The following KLF8 variants were observed in gnomAD, a reference collection of about 807,000 sequenced individuals.
KLF8 encodes Krueppel-like factor 8.
Under a neutral mutation model 18.2 loss-of-function variants are expected in KLF8, and 10 were observed. That is an observed-to-expected ratio of 0.55 (90% CI 0.34 to 0.93). The LOEUF is 0.93. Among genes scored for constraint, KLF8 ranks in the 40% least tolerant of loss-of-function variants. The pLI, the probability that KLF8 is intolerant of heterozygous loss-of-function variation, is 0.02. For synonymous variants in KLF8, 109 were observed against 97.3 expected (o/e 1.12, Z -0.71); for missense variants, 264 against 277.9 (o/e 0.95, Z 0.36).
chrX:56,089,224 C>A, the KLF8 span, among the ~76,000 whole-genome samples: 4 of 111,362 alleles, frequency 3.6e-5, no homozygotes, highest in East Asian at 1.1e-3. Flanking sequence ...GCCAAGATCT[C>A]ATCCAGAATT....
the KLF8 span, among the ~76,000 whole-genome samples, chrX:56,179,547 G>A: frequency 1.8e-5 from 2 of 112,139 alleles, no homozygotes; most frequent in African/African-American, 6.5e-5. Flanking sequence ...AGTGGTGAAA[G>A]AGGGCATCCC....
the KLF8 span, among the ~76,000 whole-genome samples, chrX:56,136,588 T>C: frequency 9.0e-6 from 1 of 111,482 alleles, no homozygotes; most frequent in African/African-American, 3.3e-5. Flanking sequence ...CCTTACACCT[T>C]ATACAAAAAT....
chrX:56,258,545 G>C (rs2066835764), intron 2 of KLF8, among the ~76,000 whole-genome samples: 1 of 112,208 alleles, frequency 8.9e-6, no homozygotes, highest in Admixed American at 9.4e-5. Context: ...AAAGTGCTGG[G>C]ATTACAGGCG....
At chrX:56,052,415 C>T in the KLF8 span, among the ~76,000 whole-genome samples, 1 of 111,594 alleles carries the variant, frequency 9.0e-6, no homozygotes, top group African/African-American at 3.3e-5. Context: ...TACTTTTGGT[C>T]TTTGATGATG....
At chrX:56,180,803 T>G in the KLF8 span, among the ~76,000 whole-genome samples, 1 of 112,442 alleles carries the variant, frequency 8.9e-6, no homozygotes, top group African/African-American at 3.2e-5. Flanking sequence ...GAGTTCTAAT[T>G]TGATTGCACT....
chrX:56,260,171 T>C (rs1436698141), intron 2 of KLF8, among the ~76,000 whole-genome samples: 1 of 111,360 alleles, frequency 9.0e-6, no homozygotes, highest in Non-Finnish European at 1.9e-5. Context: ...ACACTAGTCA[T>C]TGAATTTAGG....
chrX:56,023,788 C>T, the KLF8 span, among the ~76,000 whole-genome samples: 1 of 111,225 alleles, frequency 9.0e-6, no homozygotes, highest in African/African-American at 3.3e-5. Context: ...CTTTACTCCC[C>T]CTTTTCAAAA....
the KLF8 span, among the ~76,000 whole-genome samples, chrX:55,998,291 T>C: frequency 9.0e-6 from 1 of 110,869 alleles, no homozygotes; most frequent in Non-Finnish European, 1.9e-5. Flanking sequence ...CTTCCTCTTA[T>C]ACTAATCCTC....
chrX:56,190,502 T>A, the KLF8 span, among the ~76,000 whole-genome samples: 1 of 111,452 alleles, frequency 9.0e-6, no homozygotes, highest in African/African-American at 3.2e-5. Flanking sequence ...TTACAGAACA[T>A]TTCATCCAAT....
the KLF8 span, among the ~76,000 whole-genome samples, chrX:56,185,375 G>A: frequency 3.6e-5 from 4 of 112,196 alleles, no homozygotes; most frequent in Non-Finnish European, 7.5e-5. Context: ...GGGACAATGT[G>A]AAAAGACCAA....
chrX:56,188,268 C>T, the KLF8 span, among the ~76,000 whole-genome samples: 2 of 111,220 alleles, frequency 1.8e-5, no homozygotes, highest in African/African-American at 6.5e-5. Context: ...CTCCCATTCA[C>T]AATTGCTTCA....
chrX:56,263,459 T>A (rs1014487348), intron 2 of KLF8, among the ~76,000 whole-genome samples: 1 of 111,486 alleles, frequency 9.0e-6, no homozygotes, highest in Non-Finnish European at 1.9e-5. Context: ...TTTGGTGCCG[T>A]TACTCATTCC....
At chrX:56,169,427 C>T in the KLF8 span, among the ~76,000 whole-genome samples, 1 of 111,237 alleles carries the variant, frequency 9.0e-6, no homozygotes, top group African/African-American at 3.3e-5. Context: ...TCCAGAAATG[C>T]TCTTGCATGG....
chrX:55,986,624 T>A, the KLF8 span, among the ~76,000 whole-genome samples: 6 of 112,346 alleles, frequency 5.3e-5, no homozygotes, highest in Non-Finnish European at 1.1e-4. Flanking sequence ...ATTGACCATC[T>A]TGACCTCATG....
At chrX:56,260,116 C>T (rs1173037156) in intron 2 of KLF8, among the ~76,000 whole-genome samples, 1 of 111,355 alleles carries the variant, frequency 9.0e-6, no homozygotes, top group Non-Finnish European at 1.9e-5. Context: ...ATTACCTTCT[C>T]CTCTGTGGCT....
chrX:56,284,782 C>CATTT lies in KLF8; in HGVS notation c.*289_*292dup. ...CATCCCCCCCTGCTCTGAAATAGGA[C>CATTT]ATTTTTCCTACAGTAACAAAACAGG... On this transcript the variant is annotated 3_prime_UTR_variant, in exon 6 of 6. Coordinates refer to ENST00000468660, the MANE Select transcript of KLF8 (RefSeq NM_007250.5). 4.0e-6 allele frequency: 1 copy of CATTT among 251,270 alleles called. No homozygotes were observed. The highest frequency in any genetic ancestry group is 7.1e-6 in the Non-Finnish European group (1 of 141,345). The allele number at this position is 251,270 out of a possible 1,213,427, so 20.7% of individuals were successfully genotyped here.
chrX:56,081,132 G>T, the KLF8 span, among the ~76,000 whole-genome samples: 3 of 111,347 alleles, frequency 2.7e-5, no homozygotes, highest in Admixed American at 9.6e-5. Flanking sequence ...ATCGTCTGAA[G>T]CCTTCTCTCA....
the KLF8 span, among the ~76,000 whole-genome samples, chrX:55,978,421 T>G: frequency 8.9e-6 from 1 of 112,171 alleles, no homozygotes; most frequent in African/African-American, 3.2e-5. Context: ...TTGTGTATAC[T>G]CGTTATTTTC....
the KLF8 span, among the ~76,000 whole-genome samples, chrX:56,151,808 C>T: frequency 9.0e-6 from 1 of 110,973 alleles, no homozygotes; most frequent in Non-Finnish European, 1.9e-5. Context: ...AAGTTCTAGG[C>T]ATGCATGAGC....
Sources: gnomAD v4.1 joint callset for allele counts (sites outside exome capture counted in the v4.1 genomes callset) on GRCh38, gnomAD v4.1.1 for gene constraint, MANE v1.5 for transcripts, NCBI Gene and HGNC (gene_info 2026-07-23, HGNC 2026-07-21) for gene names.